ADCY2: variants seen among roughly 807,000 people sequenced by gnomAD.
The protein encoded by ADCY2 is adenylate cyclase 2.
ADCY2 carries 31 observed loss-of-function variants against 125.2 expected under a neutral mutation model. The ratio of observed to expected loss-of-function variants is 0.25; its 90% CI spans 0.19 to 0.33. The LOEUF (loss-of-function observed/expected upper bound fraction) is 0.33, where lower values mean the gene tolerates loss of function less well. Among genes scored for constraint, ADCY2 ranks in the 10% least tolerant of loss-of-function variants. ADCY2 has a pLI of 1.00. For synonymous variants in ADCY2, 512 were observed against 548.4 expected, an observed-to-expected ratio of 0.93 and a Z score of 0.93; for missense variants, 904 against 1,418.2, an observed-to-expected ratio of 0.64 and a Z score of 5.82.
rs141946527 is a variant in ADCY2 at position 7,571,699 on chromosome 5, G to A, written c.570+50800G>A. ...GTACAAATTTGTTACATAGGTAAAC[G>A]TGTGTCATGGGAGTTTGTTGTGCAA... On this transcript the variant is annotated intron_variant, in intron 3 of 24. Coordinates refer to ENST00000338316, the MANE Select transcript of ADCY2 (RefSeq NM_020546.3). Among the ~76,000 whole-genome samples the A allele has an allele frequency of 4.5e-3, 687 of 152,182 alleles. 2 individuals carry two copies. Among genetic ancestry groups the A allele is most frequent in the African/African-American group, 0.015 (640 of 41,528 alleles).
At chr5:7,680,882 C>T (rs1740306273) in intron 4 of ADCY2, among the ~76,000 whole-genome samples, 1 of 152,084 alleles carries the variant, frequency 6.6e-6, no homozygotes, top group African/African-American at 2.4e-5. Flanking sequence ...AAGGAGGAGT[C>T]CCTGAAAGAA....
chr5:7,697,579 G>A (rs904749831), intron 6 of ADCY2, among the ~76,000 whole-genome samples: 3 of 151,920 alleles, frequency 2.0e-5, no homozygotes, highest in Admixed American at 6.6e-5. Flanking sequence ...AACAAATATA[G>A]GATCAACAAG....
intron 3 of ADCY2, among the ~76,000 whole-genome samples, chr5:7,609,268 CACTA>C (rs1385642940): frequency 6.6e-6 from 1 of 152,184 alleles, no homozygotes; most frequent in Non-Finnish European, 1.5e-5. Context: ...AAAGTTTTCT[CACTA>C]AATAGGAGAG....
intron 9 of ADCY2, among the ~76,000 whole-genome samples, chr5:7,708,350 C>T (rs1009314267): frequency 6.6e-5 from 10 of 152,210 alleles, no homozygotes; most frequent in Admixed American, 2.0e-4. Flanking sequence ...ATTTACCTTC[C>T]GTAACATAAG....
rs1201377496 is a variant in ADCY2, at chr5:7,792,426, T to C, written c.2628+2626T>C. 2.0e-5 allele frequency among the ~76,000 whole-genome samples: 3 copies of C among 151,826 alleles called. No individual in the cohort carries two copies. In the East Asian group the frequency reaches 5.8e-4, roughly 29 times the overall value. Reference sequence around the variant, plus strand: ...AATAAATAAACATTTTTAAAAGAATTTGGGAGCTGATAGGAGGGTCCCTTC... The same window carrying C: ...AATAAATAAACATTTTTAAAAGAATCTGGGAGCTGATAGGAGGGTCCCTTC... On this transcript the variant is annotated intron_variant, in intron 20 of 24. Transcript: ENST00000338316.
intron 4 of ADCY2, among the ~76,000 whole-genome samples, chr5:7,662,422 C>T (rs1046838070): frequency 3.3e-5 from 5 of 152,202 alleles, no homozygotes; most frequent in Non-Finnish European, 5.9e-5. Flanking sequence ...GCCCCCTCCA[C>T]GGCATAGTGG....
intron 23 of ADCY2, among the ~76,000 whole-genome samples, chr5:7,817,279 A>G (rs907579344): frequency 3.3e-5 from 5 of 152,218 alleles, no homozygotes; most frequent in African/African-American, 1.2e-4. Context: ...GAGCTGCTAC[A>G]TTATTTTATG....
chr5:7,515,611 C>T (rs1174589950), intron 2 of ADCY2, among the ~76,000 whole-genome samples: 1 of 152,234 alleles, frequency 6.6e-6, no homozygotes, highest in Admixed American at 6.5e-5. Context: ...TAGCTAATGG[C>T]GAGTCCAGTT....
chr5:7,409,561 G>A (rs1739633760), intron 1 of ADCY2, among the ~76,000 whole-genome samples: 1 of 152,042 alleles, frequency 6.6e-6, no homozygotes, highest in Non-Finnish European at 1.5e-5. Context: ...ACTCTTCTTT[G>A]AAATCTTTGG....
intron 11 of ADCY2, 144 bp downstream of exon 11, chr5:7,713,043 T>C (rs2126367330): frequency 1.7e-6 from 1 of 596,026 alleles, no homozygotes; most frequent in East Asian, 2.9e-5. Context: ...TGCTTTCAGC[T>C]TCTAAAAATA....
intron 2 of ADCY2, among the ~76,000 whole-genome samples, chr5:7,435,704 G>A (rs1039138446): frequency 6.6e-6 from 1 of 152,152 alleles, no homozygotes; most frequent in Non-Finnish European, 1.5e-5. Context: ...ACTCTATTTT[G>A]AGTATAGGAC....
chr5:7,633,452 A>G (rs2126666076), intron 4 of ADCY2, among the ~76,000 whole-genome samples: 1 of 152,204 alleles, frequency 6.6e-6, no homozygotes, highest in Middle Eastern at 3.4e-3. Flanking sequence ...AAGAAAAAGA[A>G]AAAATATAGA....
At chr5:7,634,130 G>A (rs192709632) in intron 4 of ADCY2, among the ~76,000 whole-genome samples, 83 of 152,246 alleles carry the variant, frequency 5.5e-4, no homozygotes, top group Non-Finnish European at 3.2e-4. Context: ...GGGGGGAAAG[G>A]CATTTTGAAC....
chr5:7,598,267 G>T (rs934655316), intron 3 of ADCY2, among the ~76,000 whole-genome samples: 2 of 152,158 alleles, frequency 1.3e-5, no homozygotes, highest in Non-Finnish European at 2.9e-5. Flanking sequence ...AAGCCTCGAG[G>T]CCAGACTCGT....
chr5:7,715,189 C>T (rs946733709), intron 11 of ADCY2, among the ~76,000 whole-genome samples: 7 of 152,110 alleles, frequency 4.6e-5, no homozygotes, highest in Admixed American at 2.6e-4. Context: ...AATTATTGTC[C>T]GGATAATTAG....
At chr5:7,457,596 G>A (rs1049278914) in intron 2 of ADCY2, among the ~76,000 whole-genome samples, 2 of 152,184 alleles carry the variant, frequency 1.3e-5, no homozygotes, top group African/African-American at 4.8e-5. Flanking sequence ...CTCTTCAGGG[G>A]AGGAGATACA....
chr5:7,628,827 A>G (rs1039492271), intron 4 of ADCY2, among the ~76,000 whole-genome samples: 2 of 152,118 alleles, frequency 1.3e-5, no homozygotes, highest in Non-Finnish European at 2.9e-5. Flanking sequence ...TGGTTTAAAA[A>G]AAAAAAAAAA....
chr5:7,774,170 T>G (rs1341652399), intron 18 of ADCY2, among the ~76,000 whole-genome samples: 1 of 152,250 alleles, frequency 6.6e-6, no homozygotes, highest in Admixed American at 6.5e-5. Flanking sequence ...TGTAGACATT[T>G]CTTACCAATA....
intron 3 of ADCY2, among the ~76,000 whole-genome samples, chr5:7,613,404 C>G (rs988554548): frequency 1.3e-5 from 2 of 152,178 alleles, no homozygotes; most frequent in African/African-American, 4.8e-5. Flanking sequence ...GTGGCACTAA[C>G]CATCCCGCAT....
Sources: allele counts gnomAD v4.1 joint callset (sites outside exome capture counted in the v4.1 genomes callset), GRCh38; gene constraint gnomAD v4.1.1; transcripts MANE v1.5; gene names NCBI Gene and HGNC (gene_info 2026-07-23, HGNC 2026-07-21).